Variants in CLCN2 observed in about 807,000 individuals in gnomAD.
CLCN2 encodes the protein chloride channel protein 2.
A neutral mutation model predicts 108.3 loss-of-function variants in CLCN2; 72 were observed. The ratio of observed to expected loss-of-function variants is 0.66; its 90% CI spans 0.55 to 0.81. The LOEUF is 0.81. CLCN2 is among the 30% of genes least tolerant of loss of function. The pLI is 0.00. For missense variants in CLCN2, 1,048 were observed against 1,205.2 expected, an observed-to-expected ratio of 0.87 and a Z score of 1.93; for synonymous variants, 471 against 467.1, an observed-to-expected ratio of 1.01 and a Z score of -0.11.
Position 184,355,569 on chromosome 3 carries a change from G to A in CLCN2, c.1171-40C>T. The stretch of plus-strand genomic sequence containing the variant: ...GTGCCTCAGGCTGGGAAACCGACAG[G>A]ATGAAGGGAAGAGGCCATGGGATCC... On this transcript the variant is annotated intron_variant, in intron 11 of 23. Coordinates refer to ENST00000265593, the MANE Select transcript of CLCN2 (RefSeq NM_004366.6). This position sits in a 1 kb window ranked among gnomAD's most constrained non-coding sequence, Gnocchi z 6.3. 2 of 1,613,264 alleles carry A rather than the reference G, an allele frequency of 1.2e-6. No homozygotes were observed. Among genetic ancestry groups the A allele is most frequent in the Non-Finnish European group, 1.7e-6 (2 of 1,179,282 alleles).
At chr3:184,354,498 G>T in intron 14 of CLCN2, 50 bp downstream of exon 14, 1 of 1,487,168 alleles carries the variant, frequency 6.7e-7, no homozygotes, top group East Asian at 2.3e-5. Flanking sequence ...CCTGTGGCTG[G>T]GGCGTGGGTG....
At chr3:184,359,251 G>A (rs1187813515) in intron 1 of CLCN2, 120 bp from the exon 2 acceptor site, 5 of 1,245,274 alleles carry the variant, frequency 4.0e-6, no homozygotes, top group East Asian at 2.4e-5. Context: ...CCTCTTGAAC[G>A]CACAGTTCCC....
intron 13 of CLCN2, 79 bp from the exon 14 acceptor site, chr3:184,354,737 G>T: frequency 1.5e-6 from 2 of 1,352,006 alleles, no homozygotes; most frequent in East Asian, 2.3e-5. Context: ...AGGGTCAGAG[G>T]GTGAGGGAGG....
rs372129367 is a variant in CLCN2, at chr3:184,354,875, G to T, written c.1396+29C>A. On this transcript the variant is annotated intron_variant, in intron 13 of 23. Transcript: ENST00000265593. ...TGGCCAGAGGCTGAGGAAGGTGCAG[G>T]CTGGGTGAGCAGGCAGCTGAGAACT... 189 of 1,607,588 alleles carry T rather than the reference G, an allele frequency of 1.2e-4. 1 individual carries two copies. In the African/African-American group the frequency reaches 2.2e-3, roughly 19 times the overall value.
At position 184,355,482 on chromosome 3, in the gene CLCN2, C is replaced by T; in HGVS notation, c.1218G>A (p.Trp406Ter). Residue 406 changes from tryptophan to a stop codon, truncating the protein, a stop_gained, in exon 12 of 24, where the codon TGG becomes TGA. Coordinates refer to ENST00000265593, the MANE Select transcript of CLCN2 (RefSeq NM_004366.6). LOFTEE classifies it high-confidence loss of function. The surrounding 1 kb of genome is among the most constrained non-coding windows in gnomAD (Gnocchi z 6.3). ...TLVTLFDNRT[W>*]VRQGLVEELE... ...GCTCCTCCACCAGGCCCTGGCGGACCCACGTCCGATTGTCAAACAGGGTGA... is the reference window on the plus strand; with the variant it reads ...GCTCCTCCACCAGGCCCTGGCGGACTCACGTCCGATTGTCAAACAGGGTGA... The T allele has an allele frequency of 6.2e-7, 1 of 1,614,032 alleles. No homozygotes were observed. Among genetic ancestry groups the T allele is most frequent in the South Asian group, 1.1e-5 (1 of 91,072 alleles).
chr3:184,346,214 T>G lies in CLCN2; in HGVS notation c.*392A>C, dbSNP rs1560247019. 4.1e-6 allele frequency: 1 copy of G among 242,838 alleles called. No homozygotes were observed. The highest frequency in any genetic ancestry group is 8.2e-6 in the Non-Finnish European group (1 of 122,164). 15.0% of individuals were successfully genotyped at this position (242,838 alleles called of 1,614,324 possible). On this transcript the variant is annotated 3_prime_UTR_variant, in exon 24 of 24. Coordinates refer to ENST00000265593, the MANE Select transcript of CLCN2 (RefSeq NM_004366.6). The surrounding 1 kb of genome is among the most constrained non-coding windows in gnomAD (Gnocchi z 6.0). ...ATATATAAGTGGCTCATTAGGTGTT[T>G]ATTTTGTTCTATTTAAGAATTTGTT...
intron 1 of CLCN2, among the ~76,000 whole-genome samples, chr3:184,359,862 G>C (rs1192993735): frequency 6.6e-6 from 1 of 152,082 alleles, no homozygotes; most frequent in Non-Finnish European, 1.5e-5. Flanking sequence ...TGATGGGACG[G>C]GAGAGTCGCC....
At chr3:184,347,236 C>G in intron 22 of CLCN2, 1 of 615,694 alleles carries the variant, frequency 1.6e-6, no homozygotes, top group East Asian at 2.8e-5. Flanking sequence ...TACTCAAAAT[C>G]CTTATATTGC....
chr3:184,358,021 T>C lies in CLCN2; in HGVS notation c.556A>G (p.Ile186Val). 1 of 1,614,062 alleles carries C rather than the reference T, an allele frequency of 6.2e-7. No homozygotes were observed. The highest frequency in any genetic ancestry group is 8.5e-7 in the Non-Finnish European group (1 of 1,180,010). ...LKEYLTLKTF[I>V]AKVIGLTCAL... is the part of the protein sequence containing the mutation. ...CAGGTCAGCCCAATGACCTTAGCTA[T>C]AAAGGTCTTGAGTGTGAGGTATTCT... Residue 186 changes from isoleucine (I) to valine (V), a missense_variant, in exon 5 of 24, where the codon ATA becomes GTA. Ile to Val is a conservative substitution (Grantham distance 29). Coordinates refer to ENST00000265593, the MANE Select transcript of CLCN2 (RefSeq NM_004366.6).
At chr3:184,357,130 C>G (rs1293433164) in intron 9 of CLCN2, 36 bp from the exon 10 acceptor site, 2 of 1,609,970 alleles carry the variant, frequency 1.2e-6, no homozygotes, top group East Asian at 4.5e-5. Flanking sequence ...GAAAAGGAGC[C>G]TTCTAGAAAC....
chr3:184,356,741 A>G, intron 10 of CLCN2: 1 of 520,492 alleles, frequency 1.9e-6, no homozygotes, highest in Non-Finnish European at 3.5e-6. Flanking sequence ...GGGCCAGCCC[A>G]GAGGACCTGA....
chr3:184,357,077 C>T lies in CLCN2; in HGVS notation c.1001G>A (p.Gly334Asp), dbSNP rs1425035998. Residue 334 changes from glycine (G) to aspartate (D), a missense_variant, in exon 10 of 24, where the codon GGT becomes GAT. By Grantham distance (94) the Gly-to-Asp change is moderately conservative. Coordinates refer to ENST00000265593, the MANE Select transcript of CLCN2 (RefSeq NM_004366.6). ...GTTCAGGTAGACAAAGAGGGCTCCA[C>T]CGAAGCCACTAGCAATACTGGAAAG... Reference protein sequence around the residue: ...FAVIGIASGFGGALFVYLNRK... With the variant: ...FAVIGIASGFDGALFVYLNRK... 2.5e-6 allele frequency: 4 copies of T among 1,613,652 alleles called. No individual in the cohort carries two copies. Among genetic ancestry groups the T allele is most frequent in the Non-Finnish European group, 3.4e-6 (4 of 1,179,818 alleles).
chr3:184,346,624 G>A lies in CLCN2; in HGVS notation c.2679C>T (p.Ser893=), dbSNP rs369268230. The A allele has an allele frequency of 1.1e-5, 17 of 1,613,936 alleles. No individual in the cohort carries two copies. The highest frequency in any genetic ancestry group is 5.3e-5 in the African/African-American group (4 of 74,938). ...GAGGGGCTCATTGGCATTTGTCGTCGCTGTCGGAAGGGCTGCCCTCCCGGG... is the reference window on the plus strand; with the variant it reads ...GAGGGGCTCATTGGCATTTGTCGTCACTGTCGGAAGGGCTGCCCTCCCGGG... ...GLPREGSPSD[S]DDKCQ is the part of the protein sequence containing the mutation. The change falls in exon 24 of 24, where the codon AGC becomes AGT. Residue 893 remains serine, a synonymous_variant. Transcript: ENST00000265593. The surrounding 1 kb of genome is among the most constrained non-coding windows in gnomAD (Gnocchi z 6.0).
intron 1 of CLCN2, among the ~76,000 whole-genome samples, chr3:184,360,151 C>A (rs1382287684): frequency 6.6e-6 from 1 of 151,156 alleles, no homozygotes. Context: ...GGAAGAAGTA[C>A]GGAGGAGGAA....
Position 184,355,758 on chromosome 3 carries a change from A to T in CLCN2, c.1106T>A (p.Leu369Gln). ...LMRKRLLFPA[L>Q]VTLLISTLTF... The stretch of plus-strand genomic sequence containing the variant: ...CAGCGTGGAGATGAGCAGGGTCACC[A>T]GAGCCGGGAAGAGCAGGCGTCTAGA... The change falls in exon 11 of 24, where the codon CTG (leucine) becomes CAG (glutamine). Residue 369 changes from leucine to glutamine, a missense_variant. Physicochemically the swap from Leu to Gln is moderately radical, Grantham distance 113 (BLOSUM62 -2). Transcript: ENST00000265593. This position sits in a 1 kb window ranked among gnomAD's most constrained non-coding sequence, Gnocchi z 6.3. 1 of 1,614,226 alleles carries T rather than the reference A, an allele frequency of 6.2e-7. No homozygotes were observed. The highest frequency in any genetic ancestry group is 8.5e-7 in the Non-Finnish European group (1 of 1,180,032).
chr3:184,358,850 C>T (rs1464354301), intron 2 of CLCN2, 37 bp from the exon 3 acceptor site: 2 of 1,613,894 alleles, frequency 1.2e-6, no homozygotes, highest in Admixed American at 1.7e-5. Context: ...GAGGATGGCA[C>T]CAAAGTGCTC....
At position 184,355,680 on chromosome 3, in the gene CLCN2, C is replaced by T. The variant is rs756666168; in HGVS notation, c.1170+14G>A. 1.1e-5 allele frequency: 18 copies of T among 1,613,792 alleles called. 1 individual carries two copies. In the South Asian group the frequency reaches 1.9e-4, roughly 17 times the overall value. ...CAAGGGAAAGCACAAAACTCCTGTTCTGCCTGTGGTTACCTGTCCAGCCAT... is the reference window on the plus strand; with the variant it reads ...CAAGGGAAAGCACAAAACTCCTGTTTTGCCTGTGGTTACCTGTCCAGCCAT... On this transcript the variant is annotated intron_variant, in intron 11 of 23. Coordinates refer to ENST00000265593, the MANE Select transcript of CLCN2 (RefSeq NM_004366.6). The surrounding 1 kb of genome is among the most constrained non-coding windows in gnomAD (Gnocchi z 6.3).
At position 184,346,636 on chromosome 3, in the gene CLCN2, G is replaced by A. The variant is rs1259824613; in HGVS notation, c.2667C>T (p.Ser889=). ...GGCATTTGTCGTCGCTGTCGGAAGG[G>A]CTGCCCTCCCGGGGGAGGCCATGAC... The part of the protein sequence containing the change: ...HSRHGLPREG[S]PSDSDDKCQ Residue 889 remains serine, a synonymous_variant, in exon 24 of 24, where the codon AGC becomes AGT. Transcript: ENST00000265593. The surrounding 1 kb of genome is among the most constrained non-coding windows in gnomAD (Gnocchi z 6.0). The A allele has an allele frequency of 4.3e-6, 7 of 1,614,122 alleles. No individual in the cohort carries two copies. The South Asian group carries it at 6.6e-5, about 15-fold the overall frequency.
intron 22 of CLCN2, among the ~76,000 whole-genome samples, chr3:184,351,384 G>A (rs1264324852): frequency 6.6e-6 from 1 of 152,178 alleles, no homozygotes; most frequent in Non-Finnish European, 1.5e-5. Flanking sequence ...TCTGGGGTCT[G>A]CCTCGCCCAC....
Sources: allele counts gnomAD v4.1 joint callset (sites outside exome capture counted in the v4.1 genomes callset), GRCh38; gene constraint gnomAD v4.1.1; non-coding constraint Gnocchi (gnomAD v3.1); transcripts MANE v1.5; gene names NCBI Gene and HGNC (gene_info 2026-07-23, HGNC 2026-07-21).